CNTN6: variants seen among roughly 807,000 people sequenced by gnomAD.
The protein encoded by CNTN6 is contactin 6.
A neutral mutation model predicts 122.8 loss-of-function variants in CNTN6; 137 were observed. The observed-to-expected ratio is 1.12, with a 90% CI of 0.97 to 1.29. CNTN6 has a LOEUF of 1.29. CNTN6 is among the 50% of genes most tolerant of loss of function. The probability of loss-of-function intolerance (pLI) is 0.00; values close to 1 mark genes in which losing one functional copy is unlikely to be tolerated. For synonymous variants in CNTN6, 570 were observed against 426.0 expected (o/e 1.34, Z -4.16); for missense variants, 1,634 against 1,223.4 (o/e 1.34, Z -5.01).
At chr3:1,218,041 TG>T (rs2094152084) in intron 2 of CNTN6, among the ~76,000 whole-genome samples, 1 of 152,036 alleles carries the variant, frequency 6.6e-6, no homozygotes, top group Non-Finnish European at 1.5e-5. Flanking sequence ...CATGTGCATG[TG>T]GAAGAGGAGA....
At chr3:1,263,946 A>G (rs1462721849) in intron 4 of CNTN6, among the ~76,000 whole-genome samples, 1 of 151,756 alleles carries the variant, frequency 6.6e-6, no homozygotes, top group Non-Finnish European at 1.5e-5. Context: ...AGAATCTAGA[A>G]TGCAAAGATC....
At chr3:1,300,595 A>G (rs968452834) in intron 7 of CNTN6, among the ~76,000 whole-genome samples, 4 of 122,692 alleles carry the variant, frequency 3.3e-5, no homozygotes, top group Admixed American at 7.3e-5. Flanking sequence ...GAAAGAAAGA[A>G]AGAAAGAAAG....
At chr3:1,118,868 A>G (rs1873180) in intron 1 of CNTN6, among the ~76,000 whole-genome samples, 13 of 151,758 alleles carry the variant, frequency 8.6e-5, no homozygotes, top group African/African-American at 3.2e-4. Flanking sequence ...AAAAAAAAAA[A>G]AAACAAACAA....
Position 1,220,624 on chromosome 3 carries a change from A to G in CNTN6, c.56-63A>G, listed in dbSNP as rs9815298. On this transcript the variant is annotated intron_variant, in intron 2 of 22. Transcript: ENST00000446702. ...TATGTATATTGAATTGATATTTAAT[A>G]TAGACTTGCATTCAAAACAGGGCCA... 3.0e-4 allele frequency: 418 copies of G among 1,397,352 alleles called. 5 individuals are homozygous for G. In the African/African-American group the frequency reaches 5.4e-3, roughly 18 times the overall value. 86.6% of individuals were successfully genotyped at this position (1,397,352 alleles called of 1,614,324 possible).
At chr3:1,102,523 G>A (rs150469570) in intron 1 of CNTN6, among the ~76,000 whole-genome samples, 144 of 151,868 alleles carry the variant, frequency 9.5e-4, no homozygotes, top group African/African-American at 3.4e-3. Context: ...CAGGTCAGGA[G>A]ATCGAGACCA....
chr3:1,315,547 G>A lies in CNTN6; in HGVS notation c.762-6103G>A, dbSNP rs545078274. Among the ~76,000 whole-genome samples the A allele has an allele frequency of 9.2e-5, 14 of 152,062 alleles. No homozygotes were observed. The South Asian group carries it at 2.9e-3, about 32-fold the overall frequency. On this transcript the variant is annotated intron_variant, in intron 7 of 22. Coordinates refer to ENST00000446702, the MANE Select transcript of CNTN6 (RefSeq NM_001289080.2). ...TGCAAGCTGGGTATTTAGCTCAGATGGCATATGGAAGCCATCTGTCACAAT... is the reference window on the plus strand; with the variant it reads ...TGCAAGCTGGGTATTTAGCTCAGATAGCATATGGAAGCCATCTGTCACAAT...
chr3:1,376,121 C>G (rs902781978), intron 16 of CNTN6, among the ~76,000 whole-genome samples: 2 of 151,972 alleles, frequency 1.3e-5, no homozygotes, highest in Non-Finnish European at 1.5e-5. Context: ...GCTGATTTAG[C>G]GATTATCACA....
At chr3:1,305,588 C>G (rs1367345094) in intron 7 of CNTN6, among the ~76,000 whole-genome samples, 2 of 152,106 alleles carry the variant, frequency 1.3e-5, no homozygotes, top group Non-Finnish European at 2.9e-5. Context: ...AATATGGGCT[C>G]TTGCTGAGTG....
At chr3:1,281,435 C>G (rs1407916056) in intron 5 of CNTN6, among the ~76,000 whole-genome samples, 1 of 151,398 alleles carries the variant, frequency 6.6e-6, no homozygotes, top group African/African-American at 2.4e-5. Context: ...AGCACAGACT[C>G]CACAGAGATA....
intron 1 of CNTN6, among the ~76,000 whole-genome samples, chr3:1,100,122 C>T (rs572958133): frequency 1.3e-5 from 2 of 152,012 alleles, no homozygotes; most frequent in South Asian, 4.1e-4. Flanking sequence ...CTTTATTTAC[C>T]ATATTCTTGC....
intron 2 of CNTN6, among the ~76,000 whole-genome samples, chr3:1,191,570 C>T (rs1201990531): frequency 6.6e-6 from 1 of 152,124 alleles, no homozygotes; most frequent in Admixed American, 6.6e-5. Flanking sequence ...GCTGTTTATT[C>T]GTATCTTTGT....
At chr3:1,175,595 AAT>A (rs1325242398) in intron 2 of CNTN6, among the ~76,000 whole-genome samples, 1 of 152,216 alleles carries the variant, frequency 6.6e-6, no homozygotes, top group Non-Finnish European at 1.5e-5. Context: ...ATTGTAAAAC[AAT>A]ATGAAGTTAT....
At chr3:1,364,654 G>C (rs371608544) in intron 12 of CNTN6, among the ~76,000 whole-genome samples, 1 of 151,658 alleles carries the variant, frequency 6.6e-6, no homozygotes, top group African/African-American at 2.4e-5. Context: ...ATATAGAGAA[G>C]CAGTCCCATT....
At chr3:1,285,018 G>C (rs1026383009) in intron 5 of CNTN6, among the ~76,000 whole-genome samples, 1 of 152,166 alleles carries the variant, frequency 6.6e-6, no homozygotes, top group African/African-American at 2.4e-5. Flanking sequence ...ATTCAGAAGA[G>C]TGACATGCTT....
At chr3:1,129,088 C>G (rs2092263809) in intron 1 of CNTN6, among the ~76,000 whole-genome samples, 1 of 151,980 alleles carries the variant, frequency 6.6e-6, no homozygotes, top group South Asian at 2.1e-4. Flanking sequence ...GTAGCTAATG[C>G]TGTGCTTGGG....
At chr3:1,275,341 A>G (rs1559679133) in intron 4 of CNTN6, among the ~76,000 whole-genome samples, 2 of 152,158 alleles carry the variant, frequency 1.3e-5, no homozygotes, top group Non-Finnish European at 2.9e-5. Context: ...TTCTCGATTC[A>G]TATTGGCTTT....
chr3:1,289,677 T>G (rs1575571906), intron 5 of CNTN6, among the ~76,000 whole-genome samples: 1 of 3,438 alleles, frequency 2.9e-4, no homozygotes, highest in South Asian at 5.2e-3. Flanking sequence ...TTTTTTTGGG[T>G]TTTTTTTTTT....
intron 11 of CNTN6, among the ~76,000 whole-genome samples, chr3:1,348,909 TCC>T (rs1705189920): frequency 6.6e-6 from 1 of 152,010 alleles, no homozygotes; most frequent in Non-Finnish European, 1.5e-5. Flanking sequence ...CAGAACCAGC[TCC>T]CTATAATATG....
At chr3:1,098,686 T>G (rs935800508) in intron 1 of CNTN6, among the ~76,000 whole-genome samples, 3 of 150,060 alleles carry the variant, frequency 2.0e-5, no homozygotes, top group African/African-American at 7.3e-5. Context: ...TGGGCAGTTT[T>G]TCCTATTTTC....
Sources: allele counts gnomAD v4.1 joint callset (sites outside exome capture counted in the v4.1 genomes callset), GRCh38; gene constraint gnomAD v4.1.1; transcripts MANE v1.5; gene names NCBI Gene and HGNC (gene_info 2026-07-23, HGNC 2026-07-21).